Variants in RYR1 observed in about 807,000 individuals in gnomAD.
The protein encoded by RYR1 is ryanodine receptor 1.
A neutral mutation model predicts 583.5 loss-of-function variants in RYR1; 342 were observed. The observed-to-expected ratio is 0.59, with a 90% CI of 0.54 to 0.64. The LOEUF (loss-of-function observed/expected upper bound fraction) is 0.64. RYR1 is among the 30% of genes least tolerant of loss of function. RYR1 has a pLI of 0.00. For synonymous variants in RYR1, 2,791 were observed against 2,822.5 expected (o/e 0.99, Z 0.35); for missense variants, 6,032 against 6,917.2 (o/e 0.87, Z 4.54).
At position 38,500,601 on chromosome 19, in the gene RYR1, C is replaced by T. The variant is rs745427916; in HGVS notation, c.7324-5C>T. 4 of 1,612,324 alleles carry T rather than the reference C, an allele frequency of 2.5e-6. No individual in the cohort carries two copies. The South Asian group carries it at 3.3e-5, about 13-fold the overall frequency. The stretch of plus-strand genomic sequence containing the variant: ...AGTGCCCCTCTCCCTCCCTCTACTC[C>T]CCAGCTAATCCAAGCCGGCAAGGGT... On this transcript the variant is annotated splice_region_variant and splice_polypyrimidine_tract_variant and intron_variant, in intron 45 of 105. Coordinates refer to ENST00000359596, the MANE Select transcript of RYR1 (RefSeq NM_000540.3). This position sits in a 1 kb window ranked among gnomAD's most constrained non-coding sequence, Gnocchi z 5.9.
At chr19:38,501,359 G>A (rs987805484) in intron 47 of RYR1, among the ~76,000 whole-genome samples, 82 of 152,264 alleles carry the variant, frequency 5.4e-4, no homozygotes, top group Non-Finnish European at 1.6e-4. Context: ...TTAGCCAGAC[G>A]TGGTGGCGCA....
At chr19:38,583,965 C>T (rs1000296504) in intron 101 of RYR1, among the ~76,000 whole-genome samples, 1 of 152,030 alleles carries the variant, frequency 6.6e-6, no homozygotes, top group Non-Finnish European at 1.5e-5. Flanking sequence ...TTCAGTTCCT[C>T]ACAGCAGCAG....
Position 38,543,769 on chromosome 19 carries a change from A to C in RYR1, c.11908-2A>C. 6.2e-7 allele frequency: 1 copy of C among 1,612,780 alleles called. No homozygotes were observed. Among genetic ancestry groups the C allele is most frequent in the Non-Finnish European group, 8.5e-7 (1 of 1,179,978 alleles). ...CCCCCCACACGGCACTCTGCCTCCCAGGGTCCCTGCACCGGGAACCAGCAG... is the reference window on the plus strand; with the variant it reads ...CCCCCCACACGGCACTCTGCCTCCCCGGGTCCCTGCACCGGGAACCAGCAG... On this transcript the variant is annotated splice_acceptor_variant, in intron 86 of 105. Coordinates refer to ENST00000359596, the MANE Select transcript of RYR1 (RefSeq NM_000540.3). LOFTEE classifies it high-confidence loss of function. The surrounding 1 kb of genome is among the most constrained non-coding windows in gnomAD (Gnocchi z 4.4).
chr19:38,440,241 A>C (rs374484390), intron 1 of RYR1, among the ~76,000 whole-genome samples: 5 of 152,192 alleles, frequency 3.3e-5, no homozygotes, highest in African/African-American at 7.2e-5. Context: ...GCAGTGAGCT[A>C]TAATTTACAC....
Position 38,571,926 on chromosome 19 carries a change from T to C in RYR1, c.13747-93T>C, listed in dbSNP as rs913878138. ...AGCCACACCAAGACTGTATCTGGTA[T>C]GGTCCCAGTCCAATCTCGGGAATGG... On this transcript the variant is annotated intron_variant, in intron 94 of 105. Transcript: ENST00000359596. 3.2e-6 allele frequency: 5 copies of C among 1,569,904 alleles called. No homozygotes were observed. The African/African-American group carries it at 5.4e-5, about 17-fold the overall frequency.
At position 38,475,413 on chromosome 19, in the gene RYR1, A is replaced by C. The variant is rs772135005; in HGVS notation, c.4256A>C (p.Asn1419Thr). The change falls in exon 29 of 106, where the codon AAC becomes ACC. Residue 1419 changes from asparagine (N) to threonine (T), a missense_variant. Coordinates refer to ENST00000359596, the MANE Select transcript of RYR1 (RefSeq NM_000540.3). ...RLPHDVVPAD[N>T]RDDPEIILNT... The stretch of plus-strand genomic sequence containing the variant: ...CCTCACGACGTGGTGCCTGCAGACA[A>C]CCGCGATGACCCCGAGATCATCCTC... The C allele has an allele frequency of 1.2e-6, 2 of 1,613,944 alleles. No homozygotes were observed. The highest frequency in any genetic ancestry group is 1.7e-6 in the Non-Finnish European group (2 of 1,180,014).
chr19:38,511,704 C>A, intron 61 of RYR1, 94 bp downstream of exon 61: 2 of 1,442,876 alleles, frequency 1.4e-6, no homozygotes, highest in African/African-American at 1.4e-5. Flanking sequence ...TTTGAACAAC[C>A]TTTGTTGTTT....
rs557519934 is a variant in RYR1 at position 38,499,801 on chromosome 19, C to T, written c.7194C>T (p.Arg2398=). ...CTGCGAGGGATGGCCCAGGCATCCG[C>T]AGGGACCGGCGGCGCGAGCAGTGAG... is the stretch of plus-strand genomic sequence containing the variant. The part of the protein sequence containing the change: ...EDPARDGPGI[R]RDRRREHFGE... The change falls in exon 44 of 106, where the codon CGC becomes CGT. Residue 2398 remains arginine (R), a synonymous_variant. Transcript: ENST00000359596. This position sits in a 1 kb window ranked among gnomAD's most constrained non-coding sequence, Gnocchi z 7.3. 2 of 1,605,290 alleles carry T rather than the reference C, an allele frequency of 1.2e-6. No individual in the cohort carries two copies. Among genetic ancestry groups the T allele is most frequent in the African/African-American group, 1.3e-5 (1 of 74,934 alleles).
Position 38,486,069 on chromosome 19 carries a change from A to AGGCCCTGCG in RYR1, c.5417_5425dup (p.Ala1806_Arg1808dup). 1.2e-6 allele frequency: 2 copies of AGGCCCTGCG among 1,612,576 alleles called. No individual in the cohort carries two copies. Among genetic ancestry groups the AGGCCCTGCG allele is most frequent in the Non-Finnish European group, 1.7e-6 (2 of 1,179,334 alleles). Reference sequence around the variant, plus strand: ...CGCCTCAGCCCTGCCATCCCGCTGGAGGCCCTGCGGGACAAGGCACTGAGG... The same window carrying AGGCCCTGCG: ...CGCCTCAGCCCTGCCATCCCGCTGGAGGCCCTGCGGGCCCTGCGGGACAAGGCACTGAGG... On this transcript the variant is annotated inframe_insertion, in exon 34 of 106. Coordinates refer to ENST00000359596, the MANE Select transcript of RYR1 (RefSeq NM_000540.3).
At chr19:38,573,433 G>C in intron 96 of RYR1, 126 bp downstream of exon 96, 1 of 1,262,860 alleles carries the variant, frequency 7.9e-7, no homozygotes, top group Non-Finnish European at 1.1e-6. Context: ...TGTAATCCCG[G>C]CACTTTGGGA....
Position 38,502,393 on chromosome 19 carries a change from G to T in RYR1, c.7615-114G>T, listed in dbSNP as rs190392446. 1.5e-4 allele frequency: 152 copies of T among 985,904 alleles called. No individual in the cohort carries two copies. In the African/African-American group the frequency reaches 2.2e-3, roughly 14 times the overall value. 61.1% of individuals were successfully genotyped at this position (985,904 alleles called of 1,614,324 possible). On this transcript the variant is annotated intron_variant, in intron 47 of 105. Coordinates refer to ENST00000359596, the MANE Select transcript of RYR1 (RefSeq NM_000540.3). The stretch of plus-strand genomic sequence containing the variant: ...AGGGTGGTAGAGATTGGGAGGAGCA[G>T]GTTTTGGGGGAGTCATCAGAAGCTT...
In RYR1 at chr19:38,499,887, A is replaced by G. The variant is rs1230701826; in HGVS notation, c.7215-21A>G. 8 of 1,613,336 alleles carry G rather than the reference A, an allele frequency of 5.0e-6. No individual in the cohort carries two copies. The highest frequency in any genetic ancestry group is 6.8e-6 in the Non-Finnish European group (8 of 1,179,746). ...TCCCTGGCCCCTGGCTGCCTCCCCAACCCACCCACCTTCCCTGCAGCTTTG... is the reference window on the plus strand; with the variant it reads ...TCCCTGGCCCCTGGCTGCCTCCCCAGCCCACCCACCTTCCCTGCAGCTTTG... On this transcript the variant is annotated intron_variant, in intron 44 of 105. Transcript: ENST00000359596. The surrounding 1 kb of genome is among the most constrained non-coding windows in gnomAD (Gnocchi z 7.3).
In RYR1 at chr19:38,455,495, A is replaced by G; in HGVS notation, c.1621A>G (p.Thr541Ala). The G allele has an allele frequency of 6.2e-7, 1 of 1,614,000 alleles. No homozygotes were observed. Among genetic ancestry groups the G allele is most frequent in the Non-Finnish European group, 8.5e-7 (1 of 1,179,982 alleles). The stretch of plus-strand genomic sequence containing the variant: ...TCGTAGCAACTGTGCCCTCTTCTCC[A>G]CAAACTTGGACTGGCTGGTCAGCAA... ...GNRSNCALFS[T>A]NLDWLVSKLD... The change falls in exon 15 of 106, where the codon ACA becomes GCA. Residue 541 changes from threonine (T) to alanine (A), a missense_variant. Physicochemically the swap from Thr to Ala is moderately conservative, Grantham distance 58. Around this residue, in one of 11 missense-constraint regions of RYR1, gnomAD observed 2,627 missense variants for 2,961.3 expected, o/e 0.89. Coordinates refer to ENST00000359596, the MANE Select transcript of RYR1 (RefSeq NM_000540.3).
intron 1 of RYR1, among the ~76,000 whole-genome samples, chr19:38,435,360 A>C (rs1186795747): frequency 6.6e-6 from 1 of 152,140 alleles, no homozygotes; most frequent in Non-Finnish European, 1.5e-5. Context: ...AGGGTTCTGG[A>C]GGCTTGGCCC....
chr19:38,455,355 C>G lies in RYR1; in HGVS notation c.1561C>G (p.Leu521Val), dbSNP rs750009277. ...GTCCTGGAAAGAGATTGTGAATCTTCTCTATGAACTCCTAGGTAGGGGTCC... is the reference window on the plus strand; with the variant it reads ...GTCCTGGAAAGAGATTGTGAATCTTGTCTATGAACTCCTAGGTAGGGGTCC... ...AESWKEIVNL[L>V]YELLASLIRG... The change falls in exon 14 of 106, where the codon CTC becomes GTC. Residue 521 changes from leucine (L) to valine (V), a missense_variant. This residue lies in a region of RYR1 where 2,627 missense variants were observed against 2,961.3 expected (regional missense o/e 0.89). Transcript: ENST00000359596. 1.9e-6 allele frequency: 3 copies of G among 1,614,018 alleles called. No homozygotes were observed. The South Asian group carries it at 3.3e-5, about 18-fold the overall frequency.
chr19:38,507,677 T>C (rs1175191520), intron 57 of RYR1, 35 bp from the exon 58 acceptor site: 2 of 1,349,882 alleles, frequency 1.5e-6, no homozygotes. Context: ...AGGGCCGGCG[T>C]CTGGGCTGAT....
Position 38,512,045 on chromosome 19 carries a change from TC to T in RYR1, c.9173-21del, listed in dbSNP as rs751873715. On this transcript the variant is annotated intron_variant, in intron 61 of 105. Coordinates refer to ENST00000359596, the MANE Select transcript of RYR1 (RefSeq NM_000540.3). The surrounding 1 kb of genome is among the most constrained non-coding windows in gnomAD (Gnocchi z 5.1). ...GTCCTCTGTCCTCTTAGCCATGGCA[TC>T]CCCCCGGCCCATCTTCCTCTCCCAG... 4.3e-6 allele frequency: 7 copies of T among 1,610,652 alleles called. No homozygotes were observed. The South Asian group carries it at 7.7e-5, about 18-fold the overall frequency.
At chr19:38,576,433 AG>A (rs1973959081) in intron 97 of RYR1, among the ~76,000 whole-genome samples, 1 of 152,312 alleles carries the variant, frequency 6.6e-6, no homozygotes, top group African/African-American at 2.4e-5. Flanking sequence ...TGGGTGAAAG[AG>A]TGAGACCTCA....
intron 95 of RYR1, among the ~76,000 whole-genome samples, 190 bp from the exon 96 acceptor site, chr19:38,572,987 C>G (rs1198927483): frequency 6.6e-6 from 1 of 151,876 alleles, no homozygotes; most frequent in Non-Finnish European, 1.5e-5. Flanking sequence ...CTGCCCTGAC[C>G]CCTCTGCCCA....
Sources: allele counts gnomAD v4.1 joint callset (sites outside exome capture counted in the v4.1 genomes callset), GRCh38; gene constraint gnomAD v4.1.1; regional missense constraint gnomAD v4.1.1; non-coding constraint Gnocchi (gnomAD v3.1); transcripts MANE v1.5; gene names NCBI Gene and HGNC (gene_info 2026-07-23, HGNC 2026-07-21).